Variants in BZW2 observed in about 807,000 individuals in gnomAD.
BZW2 encodes the protein eIF5-mimic protein 1.
Under a neutral mutation model 53.2 loss-of-function variants are expected in BZW2, and 23 were observed. The ratio of observed to expected loss-of-function variants is 0.43; its 90% CI spans 0.31 to 0.61. The LOEUF (loss-of-function observed/expected upper bound fraction) is 0.61, where lower values mean the gene tolerates loss of function less well. Ranked by LOEUF, BZW2 falls within the 20% of genes least tolerant of loss-of-function variation. BZW2 has a pLI of 0.09. For synonymous variants in BZW2, 227 were observed against 186.4 expected (o/e 1.22, Z -1.77); for missense variants, 409 against 503.1 (o/e 0.81, Z 1.79).
In BZW2 at chr7:16,665,567, T is replaced by C. The variant is rs1231588665; in HGVS notation, c.58+66T>C. The C allele has an allele frequency of 1.8e-5, 28 of 1,578,868 alleles. No individual in the cohort carries two copies. In the Admixed American group the frequency reaches 2.6e-4, roughly 14 times the overall value. ...ACCAAAATATAAGATTGGAGAAGAATCTGAATGATCCCTGTTTCCCCCAGC... is the reference window on the plus strand; with the variant it reads ...ACCAAAATATAAGATTGGAGAAGAACCTGAATGATCCCTGTTTCCCCCAGC... On this transcript the variant is annotated intron_variant, in intron 2 of 11. Coordinates refer to ENST00000258761, the MANE Select transcript of BZW2 (RefSeq NM_014038.3).
intron 11 of BZW2, among the ~76,000 whole-genome samples, chr7:16,705,631 G>A (rs1423225469): frequency 6.9e-6 from 1 of 144,082 alleles, no homozygotes; most frequent in Non-Finnish European, 1.5e-5. Context: ...GTTGCAGTGA[G>A]CCAAGATCAC....
At chr7:16,656,137 C>CTA (rs1554264390) in intron 1 of BZW2, among the ~76,000 whole-genome samples, 92 of 141,516 alleles carry the variant, frequency 6.5e-4, no homozygotes, top group East Asian at 1.1e-3. Context: ...ATATAAATGA[C>CTA]TATATATATA....
chr7:16,662,014 A>C (rs778076342), intron 1 of BZW2: 1 of 152,164 alleles, frequency 6.6e-6, no homozygotes, highest in South Asian at 2.1e-4. Flanking sequence ...TGTCTTTGTT[A>C]TCTTCCTAGG....
At chr7:16,653,506 C>T (rs974881525) in intron 1 of BZW2, among the ~76,000 whole-genome samples, 7 of 152,136 alleles carry the variant, frequency 4.6e-5, no homozygotes, top group Non-Finnish European at 1.0e-4. Flanking sequence ...TGGTTCTCCT[C>T]ACCTCAGTTA....
chr7:16,681,970 G>C (rs1362962447), intron 4 of BZW2, among the ~76,000 whole-genome samples: 1 of 151,998 alleles, frequency 6.6e-6, no homozygotes, highest in African/African-American at 2.4e-5. Flanking sequence ...AGTGTAAGTT[G>C]GAAATAAAAT....
At chr7:16,666,737 A>G (rs747677962) in intron 2 of BZW2, among the ~76,000 whole-genome samples, 1 of 152,026 alleles carries the variant, frequency 6.6e-6, no homozygotes, top group Non-Finnish European at 1.5e-5. Flanking sequence ...TGGTGCCATG[A>G]CAGCTACTGC....
chr7:16,662,335 G>T (rs1012884152), intron 1 of BZW2: 1 of 152,246 alleles, frequency 6.6e-6, no homozygotes. Flanking sequence ...ATGTTATCAT[G>T]TGTTTCTCCA....
chr7:16,706,177 G>T lies in BZW2; in HGVS notation c.*89G>T. 1 of 1,426,104 alleles carries T rather than the reference G, an allele frequency of 7.0e-7. No homozygotes were observed. The allele number at this position is 1,426,104 out of a possible 1,614,324, so 88.3% of individuals were successfully genotyped here. On this transcript the variant is annotated 3_prime_UTR_variant, in exon 12 of 12. Transcript: ENST00000258761. ...ATTTGAGAAGAGAAACTTGGCTTCTGTTTTCGCAAAGGAAAAAAAAAATAG... is the reference window on the plus strand; with the variant it reads ...ATTTGAGAAGAGAAACTTGGCTTCTTTTTTCGCAAAGGAAAAAAAAAATAG...
intron 3 of BZW2, among the ~76,000 whole-genome samples, chr7:16,680,580 G>A (rs752766849): frequency 1.3e-5 from 2 of 152,110 alleles, no homozygotes; most frequent in Non-Finnish European, 2.9e-5. Flanking sequence ...TGAGGCAGGA[G>A]GACCACTTGA....
chr7:16,681,863 CT>C (rs577041075), intron 4 of BZW2, among the ~76,000 whole-genome samples: 13 of 151,092 alleles, frequency 8.6e-5, no homozygotes, highest in Admixed American at 5.9e-4. Flanking sequence ...GAATATAATG[CT>C]TTTTTTTTAA....
intron 1 of BZW2, 22 bp downstream of exon 1, chr7:16,646,310 G>A: frequency 5.4e-6 from 1 of 186,268 alleles, no homozygotes; most frequent in South Asian, 6.3e-5. Flanking sequence ...CCCAGGTGAG[G>A]CAAGGGGCGC....
chr7:16,683,573 C>G (rs1462913116), intron 5 of BZW2, among the ~76,000 whole-genome samples: 1 of 152,204 alleles, frequency 6.6e-6, no homozygotes, highest in Non-Finnish European at 1.5e-5. Flanking sequence ...ATAAAAGCAC[C>G]TCTTTGGAGA....
chr7:16,685,454 G>C (rs1323088764), intron 5 of BZW2, among the ~76,000 whole-genome samples: 2 of 143,258 alleles, frequency 1.4e-5, no homozygotes, highest in Non-Finnish European at 3.1e-5. Context: ...TTGTTTCTAT[G>C]TTTTTGCCGT....
At chr7:16,696,811 T>C (rs976380781) in intron 8 of BZW2, 104 bp from the exon 9 acceptor site, 12 of 1,141,774 alleles carry the variant, frequency 1.1e-5, no homozygotes, top group Non-Finnish European at 1.5e-5. Flanking sequence ...CTAAGCAGAT[T>C]GTTTCTTAGC....
In BZW2 at chr7:16,665,768, A is replaced by T. The variant is rs562435932; in HGVS notation, c.58+267A>T. 2.0e-4 allele frequency among the ~76,000 whole-genome samples: 31 copies of T among 152,216 alleles called. 1 individual carries two copies. The highest frequency in any genetic ancestry group is 3.5e-4 in the Non-Finnish European group (24 of 68,048). On this transcript the variant is annotated intron_variant, in intron 2 of 11. Transcript: ENST00000258761. ...GTTGTCTTAGGAGGTTATGAAGGCA[A>T]TTGATAAATTTTACTGGTTTTGACA...
In BZW2 at chr7:16,681,422, G is replaced by A. The variant is rs1173876046; in HGVS notation, c.339+18G>A. The stretch of plus-strand genomic sequence containing the variant: ...ATGCTCAGGTAGAGCCTGTTTGAGA[G>A]ACTGAAGCATTTGAAGAGGACTGAG... On this transcript the variant is annotated intron_variant, in intron 4 of 11. Transcript: ENST00000258761. 3.8e-6 allele frequency: 6 copies of A among 1,599,496 alleles called. No individual in the cohort carries two copies. The highest frequency in any genetic ancestry group is 5.1e-6 in the Non-Finnish European group (6 of 1,167,558).
rs1254212498 is a variant in BZW2 at position 16,674,545 on chromosome 7, T to C, written c.192T>C (p.Tyr64=). 3 of 1,610,854 alleles carry C rather than the reference T, an allele frequency of 1.9e-6. No individual in the cohort carries two copies. The highest frequency in any genetic ancestry group is 8.5e-7 in the Non-Finnish European group (1 of 1,178,172). The change falls in exon 3 of 12, where the codon TAT becomes TAC. Residue 64 remains tyrosine, a synonymous_variant. Transcript: ENST00000258761. ...STGSRLDYRR[Y]ADTLFDILVA... ...GCTCAAGATTAGATTATCGTCGCTA[T>C]GCAGACACACTCTTCGATATCCTGG...
intron 2 of BZW2, among the ~76,000 whole-genome samples, chr7:16,668,442 G>A (rs1181553519): frequency 1.3e-5 from 2 of 152,124 alleles, no homozygotes; most frequent in African/African-American, 4.8e-5. Flanking sequence ...ATCTCTTGGG[G>A]ATTGAAGCAA....
At chr7:16,677,232 T>C (rs1291566526) in intron 3 of BZW2, among the ~76,000 whole-genome samples, 1 of 152,164 alleles carries the variant, frequency 6.6e-6, no homozygotes, top group Non-Finnish European at 1.5e-5. Flanking sequence ...CTTTGCCTCC[T>C]GTTTTTGCCT....
Sources: allele counts gnomAD v4.1 joint callset (sites outside exome capture counted in the v4.1 genomes callset), GRCh38; gene constraint gnomAD v4.1.1; transcripts MANE v1.5; gene names NCBI Gene and HGNC (gene_info 2026-07-23, HGNC 2026-07-21).